TMED10: variants seen among roughly 807,000 people sequenced by gnomAD.
TMED10 encodes the protein transmembrane p24 trafficking protein 10, also known as transmembrane emp24 domain-containing protein 10.
In TMED10, 7 loss-of-function variants were observed where a neutral mutation model predicts 23.1. The ratio of observed to expected loss-of-function variants is 0.30; its 90% CI spans 0.17 to 0.57. The LOEUF is 0.57. Ranked by LOEUF, TMED10 falls within the 20% of genes least tolerant of loss-of-function variation. TMED10 has a pLI of 0.91. For missense variants in TMED10, 162 were observed against 274.8 expected, an observed-to-expected ratio of 0.59 and a Z score of 2.90; for synonymous variants, 113 against 106.9, an observed-to-expected ratio of 1.06 and a Z score of -0.35.
At chr14:75,159,682 C>T (rs1274496256) in intron 1 of TMED10, among the ~76,000 whole-genome samples, 1 of 152,104 alleles carries the variant, frequency 6.6e-6, no homozygotes, top group East Asian at 1.9e-4. Flanking sequence ...TAAGTCATTG[C>T]TAAAAGTACC....
chr14:75,150,443 CTGAT>C (rs1895941924), intron 2 of TMED10, among the ~76,000 whole-genome samples: 2 of 152,326 alleles, frequency 1.3e-5, no homozygotes, highest in South Asian at 4.1e-4. Flanking sequence ...AACTACCTCC[CTGAT>C]TGTCACAGCA....
At chr14:75,150,966 G>A (rs537613627) in intron 2 of TMED10, among the ~76,000 whole-genome samples, 67 of 150,956 alleles carry the variant, frequency 4.4e-4, no homozygotes, top group Non-Finnish European at 8.1e-4. Context: ...GCAGTGGTAC[G>A]ATCTTGGCTC....
At chr14:75,167,231 C>T (rs1045319656) in intron 1 of TMED10, among the ~76,000 whole-genome samples, 11 of 152,226 alleles carry the variant, frequency 7.2e-5, no homozygotes, top group East Asian at 3.9e-4. Flanking sequence ...TGAGCCACCA[C>T]GCCCAGCCGA....
At chr14:75,170,037 C>T (rs1896212327) in intron 1 of TMED10, among the ~76,000 whole-genome samples, 1 of 151,280 alleles carries the variant, frequency 6.6e-6, no homozygotes, top group South Asian at 2.1e-4. Flanking sequence ...ACCATCCTGG[C>T]TAACACGGTG....
intron 1 of TMED10, chr14:75,175,806 G>A (rs1566677909): frequency 6.6e-6 from 1 of 152,540 alleles, no homozygotes; most frequent in South Asian, 2.0e-4. Flanking sequence ...TCCTACCTCT[G>A]AGTCTCAGTT....
chr14:75,144,983 G>A (rs1454570860), intron 3 of TMED10, among the ~76,000 whole-genome samples: 1 of 152,188 alleles, frequency 6.6e-6, no homozygotes, highest in African/African-American at 2.4e-5. Flanking sequence ...TCTAAGCAAG[G>A]TTCAAGGCAG....
chr14:75,174,920 G>C (rs1193235903), intron 1 of TMED10, among the ~76,000 whole-genome samples: 1 of 151,504 alleles, frequency 6.6e-6, no homozygotes, highest in Non-Finnish European at 1.5e-5. Flanking sequence ...GGCGCCTGTA[G>C]TCCTAGCTAC....
intron 2 of TMED10, among the ~76,000 whole-genome samples, chr14:75,150,489 C>T (rs149483513): frequency 1.3e-5 from 2 of 152,206 alleles, no homozygotes; most frequent in African/African-American, 4.8e-5. Context: ...GAAGACAGTT[C>T]AGTCGAGGAC....
rs370147026 is a variant in TMED10, at chr14:75,149,873, G to A, written c.338-2136C>T. 3.9e-5 allele frequency among the ~76,000 whole-genome samples: 6 copies of A among 152,320 alleles called. No individual in the cohort carries two copies. The South Asian group carries it at 8.3e-4, about 21-fold the overall frequency. On this transcript the variant is annotated intron_variant, in intron 2 of 4. Coordinates refer to ENST00000303575, the MANE Select transcript of TMED10 (RefSeq NM_006827.6). The stretch of plus-strand genomic sequence containing the variant: ...TAATCCCAGCACTTTGGGAGGCCAA[G>A]GCAGGTGGATCTCTTGAGGTTCGAG...
chr14:75,159,037 G>T (rs987531471), intron 1 of TMED10, among the ~76,000 whole-genome samples: 2 of 152,128 alleles, frequency 1.3e-5, no homozygotes, highest in South Asian at 4.1e-4. Flanking sequence ...TCAGTGTGAT[G>T]CCTCTCTTCC....
At chr14:75,153,418 G>T (rs1474388427) in intron 1 of TMED10, among the ~76,000 whole-genome samples, 1 of 152,096 alleles carries the variant, frequency 6.6e-6, no homozygotes, top group Non-Finnish European at 1.5e-5. Context: ...CCAAAGAATG[G>T]CCTATCAGCA....
At chr14:75,148,322 T>C (rs1413071149) in intron 2 of TMED10, among the ~76,000 whole-genome samples, 2 of 151,892 alleles carry the variant, frequency 1.3e-5, no homozygotes, top group Non-Finnish European at 2.9e-5. Context: ...TTTTGATCAA[T>C]GTATGGCCTA....
chr14:75,153,532 T>A (rs745773565), intron 1 of TMED10, among the ~76,000 whole-genome samples: 6 of 152,224 alleles, frequency 3.9e-5, no homozygotes, highest in Non-Finnish European at 5.9e-5. Flanking sequence ...CTAGAGCACG[T>A]GGCTGTCTTA....
At position 75,132,386 on chromosome 14, in the gene TMED10, C is replaced by G. The variant is rs1013784850; in HGVS notation, c.*2499G>C. ...CTGGGCGTTGCAGCAAGACTCCGTC[C>G]CCCCCCCCCCAAAAAAAAAAAAGTT... On this transcript the variant is annotated 3_prime_UTR_variant, in exon 5 of 5. Transcript: ENST00000303575. 9.3e-6 allele frequency: 1 copy of G among 107,132 alleles called. No homozygotes were observed. The highest frequency in any genetic ancestry group is 3.6e-5 in the African/African-American group (1 of 27,498). 6.6% of individuals were successfully genotyped at this position (107,132 alleles called of 1,614,324 possible).
chr14:75,137,680 A>G (rs1348890470), intron 3 of TMED10, among the ~76,000 whole-genome samples: 1 of 136,420 alleles, frequency 7.3e-6, no homozygotes, highest in Non-Finnish European at 1.6e-5. Flanking sequence ...ATCTCAAAAA[A>G]AAAAAAAAAA....
rs1665423919 is a variant in TMED10, at chr14:75,176,235, C to T, written c.225+120G>A. 4.7e-6 allele frequency: 6 copies of T among 1,273,248 alleles called. No individual in the cohort carries two copies. In the East Asian group the frequency reaches 9.7e-5, roughly 21 times the overall value. The allele number at this position is 1,273,248 out of a possible 1,614,324, so 78.9% of individuals were successfully genotyped here. On this transcript the variant is annotated intron_variant, in intron 1 of 4. Transcript: ENST00000303575. ...GGCGGGCTCCACCGCACGTCCTTTG[C>T]GCTCCCGGGAGGCCAGAACAACTCC...
intron 1 of TMED10, among the ~76,000 whole-genome samples, chr14:75,169,425 A>G (rs893896637): frequency 3.9e-4 from 59 of 152,306 alleles, no homozygotes; most frequent in African/African-American, 1.4e-3. Context: ...GCACTTTGGG[A>G]GACGGGCGGA....
chr14:75,143,858 C>T (rs1459768010), intron 3 of TMED10, among the ~76,000 whole-genome samples: 4 of 146,944 alleles, frequency 2.7e-5, no homozygotes, highest in South Asian at 2.2e-4. Context: ...TGTTTGAACC[C>T]GGGAGGCAGA....
intron 3 of TMED10, among the ~76,000 whole-genome samples, chr14:75,138,708 GC>G (rs1469540811): frequency 1.3e-5 from 2 of 151,434 alleles, no homozygotes; most frequent in Non-Finnish European, 2.9e-5. Flanking sequence ...ATAGAAACTT[GC>G]AAAAGAAACT....
Sources: allele counts gnomAD v4.1 joint callset (sites outside exome capture counted in the v4.1 genomes callset), GRCh38; gene constraint gnomAD v4.1.1; transcripts MANE v1.5; gene names NCBI Gene and HGNC (gene_info 2026-07-23, HGNC 2026-07-21).